Variants in SLC24A2 observed in about 807,000 individuals in gnomAD.
SLC24A2 encodes solute carrier family 24 member 2.
In SLC24A2, 36 loss-of-function variants were observed where a neutral mutation model predicts 62.0. The ratio of observed to expected loss-of-function variants is 0.58; its 90% CI spans 0.44 to 0.77. SLC24A2 has a LOEUF of 0.77. Ranked by LOEUF, SLC24A2 falls within the 30% of genes least tolerant of loss-of-function variation. SLC24A2 has a pLI of 0.00. For missense variants in SLC24A2, 846 were observed against 817.9 expected (o/e 1.03, Z -0.42); for synonymous variants, 358 against 294.0 (o/e 1.22, Z -2.23).
intron 2 of SLC24A2, among the ~76,000 whole-genome samples, chr9:19,624,285 G>A (rs1159481594): frequency 1.3e-5 from 2 of 152,152 alleles, no homozygotes; most frequent in Non-Finnish European, 2.9e-5. Flanking sequence ...ATAATTATGA[G>A]CTGGAATTGA....
chr9:20,135,560 C>T, the SLC24A2 span, among the ~76,000 whole-genome samples: 1 of 151,978 alleles, frequency 6.6e-6, no homozygotes, highest in Admixed American at 6.6e-5. Flanking sequence ...TAAGTATTAA[C>T]TGCGATAACA....
At chr9:20,182,539 G>A in the SLC24A2 span, among the ~76,000 whole-genome samples, 5 of 152,104 alleles carry the variant, frequency 3.3e-5, no homozygotes, top group Non-Finnish European at 5.9e-5. Context: ...ACAAGGACAG[G>A]AAACCAAACA....
the SLC24A2 span, among the ~76,000 whole-genome samples, chr9:19,903,027 T>C: frequency 7.0e-6 from 1 of 143,372 alleles, no homozygotes; most frequent in African/African-American, 2.6e-5. Context: ...ATAATAAGTC[T>C]TAAAAATCAG....
At chr9:19,620,929 G>T (rs925108363) in intron 3 of SLC24A2, among the ~76,000 whole-genome samples, 1 of 152,116 alleles carries the variant, frequency 6.6e-6, no homozygotes, top group African/African-American at 2.4e-5. Context: ...AGACCCACAA[G>T]GGGGCTTCCC....
chr9:20,051,657 C>CTTTTGTTTTTTTTTTTTTTTTTTTTT, the SLC24A2 span, among the ~76,000 whole-genome samples: 1 of 73,514 alleles, frequency 1.4e-5, no homozygotes, highest in African/African-American at 6.1e-5. Flanking sequence ...TTTTCTTTCT[C>CTTTTGTTTTTTTTTTTTTTTTTTTTT]TTTTTTTTTT....
At chr9:19,636,308 T>TCTTTTCTTTTCTTTC (rs1818322716) in intron 2 of SLC24A2, among the ~76,000 whole-genome samples, 2 of 39,842 alleles carry the variant, frequency 5.0e-5, no homozygotes, top group African/African-American at 2.1e-4. Flanking sequence ...TCTTTTCTTT[T>TCTTTTCTTTTCTTTC]CTTTTCTTTT....
the SLC24A2 span, among the ~76,000 whole-genome samples, chr9:19,832,894 G>GA: frequency 1.3e-5 from 2 of 151,878 alleles, no homozygotes; most frequent in South Asian, 2.1e-4. Flanking sequence ...AAATTTACAA[G>GA]AAAAAAACAA....
chr9:19,947,011 C>A, the SLC24A2 span, among the ~76,000 whole-genome samples: 1 of 152,218 alleles, frequency 6.6e-6, no homozygotes, highest in Non-Finnish European at 1.5e-5. Context: ...CAATAGCAAG[C>A]TCCCAGTAAG....
intron 2 of SLC24A2, among the ~76,000 whole-genome samples, chr9:19,725,566 C>G (rs1587224461): frequency 6.6e-6 from 1 of 152,126 alleles, no homozygotes; most frequent in Non-Finnish European, 1.5e-5. Flanking sequence ...ATATACAGCA[C>G]AGCATTTTTT....
the SLC24A2 span, among the ~76,000 whole-genome samples, chr9:20,084,167 G>A: frequency 2.6e-5 from 4 of 152,162 alleles, no homozygotes; most frequent in East Asian, 7.7e-4. Flanking sequence ...AAATAGTGTT[G>A]CCAAGTTAAA....
At chr9:20,219,296 T>C in the SLC24A2 span, among the ~76,000 whole-genome samples, 47 of 152,040 alleles carry the variant, frequency 3.1e-4, no homozygotes, top group East Asian at 4.8e-3. Context: ...CAGGCTTCCA[T>C]TGAGATGTGG....
chr9:20,018,713 T>G, the SLC24A2 span, among the ~76,000 whole-genome samples: 3 of 152,276 alleles, frequency 2.0e-5, no homozygotes, highest in South Asian at 6.2e-4. Context: ...TTCAGTCAGT[T>G]CTTACCATCC....
the SLC24A2 span, among the ~76,000 whole-genome samples, chr9:20,273,547 G>T: frequency 4.6e-5 from 7 of 152,260 alleles, 1 homozygote; most frequent in South Asian, 1.5e-3. Flanking sequence ...ATGAGATCTG[G>T]TGGTGTTAAA....
chr9:20,167,390 A>G, the SLC24A2 span, among the ~76,000 whole-genome samples: 2 of 152,030 alleles, frequency 1.3e-5, no homozygotes, highest in African/African-American at 4.8e-5. Flanking sequence ...CTGTGGAGAA[A>G]GGAACATACA....
intron 2 of SLC24A2, among the ~76,000 whole-genome samples, chr9:19,718,283 A>AC (rs1820919545): frequency 3.4e-5 from 2 of 57,972 alleles, no homozygotes; most frequent in African/African-American, 8.1e-5. Flanking sequence ...CTGATTTAAC[A>AC]CTTTTTTTTT....
the SLC24A2 span, among the ~76,000 whole-genome samples, chr9:19,995,214 T>C: frequency 0.79 from 120,806 of 152,026 alleles, 48,621 homozygotes; most frequent in Non-Finnish European, 0.87. Context: ...TTCACGCGTA[T>C]CTTTTAGACT....
the SLC24A2 span, among the ~76,000 whole-genome samples, chr9:19,886,706 A>T: frequency 3.9e-5 from 6 of 152,238 alleles, no homozygotes; most frequent in Admixed American, 3.9e-4. Context: ...TACTGGGTAT[A>T]TACCCAAAGG....
intron 2 of SLC24A2, among the ~76,000 whole-genome samples, chr9:19,628,749 C>T (rs915311810): frequency 2.6e-5 from 4 of 152,150 alleles, no homozygotes; most frequent in African/African-American, 9.7e-5. Context: ...TTTTGGCTTC[C>T]CTGAGCCACA....
chr9:19,866,030 T>G, the SLC24A2 span, among the ~76,000 whole-genome samples: 1 of 152,110 alleles, frequency 6.6e-6, no homozygotes, highest in Admixed American at 6.5e-5. Flanking sequence ...AATTTAAAAA[T>G]GGGCAAAAGA....
Sources: gnomAD v4.1 joint callset for allele counts (sites outside exome capture counted in the v4.1 genomes callset) on GRCh38, gnomAD v4.1.1 for gene constraint, MANE v1.5 for transcripts, NCBI Gene and HGNC (gene_info 2026-07-23, HGNC 2026-07-21) for gene names.